Variants in CLIP4 observed in about 807,000 individuals in gnomAD.
CLIP4 encodes CAP-Gly domain containing linker protein family member 4.
Under a neutral mutation model 73.1 loss-of-function variants are expected in CLIP4, and 47 were observed. That is an observed-to-expected ratio of 0.64 (90% CI 0.51 to 0.82). The LOEUF is 0.82. Ranked by LOEUF, CLIP4 falls within the 40% of genes least tolerant of loss-of-function variation. The probability of loss-of-function intolerance (pLI) is 0.00; values close to 1 mark genes in which losing one functional copy is unlikely to be tolerated. For synonymous variants in CLIP4, 306 were observed against 295.4 expected (o/e 1.04, Z -0.37); for missense variants, 874 against 852.9 (o/e 1.02, Z -0.31).
At chr2:29,180,552 C>T (rs1433821356) in intron 15 of CLIP4, among the ~76,000 whole-genome samples, 2 of 152,052 alleles carry the variant, frequency 1.3e-5, no homozygotes, top group South Asian at 2.1e-4. Flanking sequence ...GGAGTTCATA[C>T]ATAGAACATA....
At chr2:29,098,787 G>A (rs1245477713) in intron 1 of CLIP4, among the ~76,000 whole-genome samples, 1 of 152,230 alleles carries the variant, frequency 6.6e-6, no homozygotes, top group Non-Finnish European at 1.5e-5. Flanking sequence ...GAACTGCCAA[G>A]TGATGTTCCA....
intron 12 of CLIP4, among the ~76,000 whole-genome samples, chr2:29,160,996 C>T (rs1472378316): frequency 4.6e-5 from 7 of 150,680 alleles, no homozygotes; most frequent in African/African-American, 1.5e-4. Context: ...TTTTTTGAGA[C>T]GGAGCTTCGC....
chr2:29,148,727 C>T (rs1666343056), intron 8 of CLIP4, among the ~76,000 whole-genome samples: 1 of 152,130 alleles, frequency 6.6e-6, no homozygotes, highest in Non-Finnish European at 1.5e-5. Context: ...TGAGTTTGTA[C>T]TATGAAGAGA....
At chr2:29,126,756 C>T (rs1664633003) in intron 2 of CLIP4, among the ~76,000 whole-genome samples, 1 of 152,156 alleles carries the variant, frequency 6.6e-6, no homozygotes, top group African/African-American at 2.4e-5. Context: ...CAGAAACAGG[C>T]ACAAAGGTTC....
chr2:29,099,217 G>A (rs1453030875), intron 1 of CLIP4, among the ~76,000 whole-genome samples: 1 of 152,120 alleles, frequency 6.6e-6, no homozygotes, highest in Non-Finnish European at 1.5e-5. Flanking sequence ...AGTTCAACTT[G>A]TCAGTTTTTT....
chr2:29,174,410 C>A lies in CLIP4; in HGVS notation c.1761C>A (p.Ser587=). Residue 587 remains serine, a synonymous_variant, in exon 15 of 16, where the codon TCC becomes TCA. Transcript: ENST00000320081. ...GTTTTAGCACAACTTCTGCTTCTTCCCAAAAGGAGATTAACAGAAGAAATG... is the reference window on the plus strand; with the variant it reads ...GTTTTAGCACAACTTCTGCTTCTTCACAAAAGGAGATTAACAGAAGAAATG... ...RRSFSTTSAS[S]QKEINRRNAF... 1.2e-6 allele frequency: 2 copies of A among 1,611,586 alleles called. No individual in the cohort carries two copies. Among genetic ancestry groups the A allele is most frequent in the South Asian group, 1.1e-5 (1 of 90,706 alleles).
intron 15 of CLIP4, among the ~76,000 whole-genome samples, chr2:29,177,593 A>G (rs1333476311): frequency 6.6e-6 from 1 of 151,770 alleles, no homozygotes; most frequent in Non-Finnish European, 1.5e-5. Context: ...AAAAAAAGTA[A>G]TATATATATT....
intron 9 of CLIP4, among the ~76,000 whole-genome samples, chr2:29,153,347 T>C (rs3100242): frequency 0.88 from 134,339 of 152,046 alleles, 59,498 homozygotes; most frequent in Non-Finnish European, 0.91. Flanking sequence ...TACATTTTCT[T>C]ACTCCTCCCT....
At chr2:29,125,664 C>T (rs936157545) in intron 2 of CLIP4, among the ~76,000 whole-genome samples, 4 of 152,218 alleles carry the variant, frequency 2.6e-5, no homozygotes, top group African/African-American at 9.7e-5. Context: ...AGGCAGTTAC[C>T]TGGGGCATGT....
intron 12 of CLIP4, among the ~76,000 whole-genome samples, chr2:29,161,595 A>T (rs1314786071): frequency 6.6e-6 from 1 of 152,222 alleles, no homozygotes; most frequent in Admixed American, 6.5e-5. Flanking sequence ...ACTCACAGTC[A>T]TAGCAGTAGC....
At chr2:29,106,336 T>C (rs908157259) in intron 1 of CLIP4, among the ~76,000 whole-genome samples, 2 of 152,210 alleles carry the variant, frequency 1.3e-5, no homozygotes, top group African/African-American at 4.8e-5. Context: ...GCTCAAAATA[T>C]GTCTTTCCCT....
At chr2:29,153,307 G>A (rs1558558111) in intron 9 of CLIP4, among the ~76,000 whole-genome samples, 1 of 152,066 alleles carries the variant, frequency 6.6e-6, no homozygotes, top group Non-Finnish European at 1.5e-5. Context: ...GAAGAGAACG[G>A]TTTATCGTAT....
intron 6 of CLIP4, among the ~76,000 whole-genome samples, chr2:29,143,134 G>T (rs1232395968): frequency 3.9e-5 from 6 of 152,236 alleles, no homozygotes; most frequent in Non-Finnish European, 7.3e-5. Context: ...TGGATCTGGG[G>T]CTGGGAAGCG....
intron 8 of CLIP4, among the ~76,000 whole-genome samples, chr2:29,151,643 C>T (rs998015804): frequency 6.6e-6 from 1 of 152,108 alleles, no homozygotes; most frequent in Non-Finnish European, 1.5e-5. Flanking sequence ...ACAAAGCACT[C>T]ACTTCTTACA....
chr2:29,111,487 G>A (rs549401196), upstream of CLIP4, among the ~76,000 whole-genome samples: 28 of 152,248 alleles, frequency 1.8e-4, no homozygotes, highest in South Asian at 5.0e-3. Flanking sequence ...GGTGGCTATG[G>A]GGTCACACTC....
intron 14 of CLIP4, among the ~76,000 whole-genome samples, chr2:29,170,365 A>G (rs76280790): frequency 0.017 from 2,614 of 152,286 alleles, 73 homozygotes; most frequent in African/African-American, 0.06. Context: ...ACTACTGCCT[A>G]TTCCCAACAG....
intron 13 of CLIP4, among the ~76,000 whole-genome samples, chr2:29,165,145 T>C (rs1667522977): frequency 6.6e-6 from 1 of 152,182 alleles, no homozygotes; most frequent in Non-Finnish European, 1.5e-5. Flanking sequence ...AGATAAGTGA[T>C]TTAGCTAAAG....
intron 2 of CLIP4, among the ~76,000 whole-genome samples, chr2:29,127,880 A>G (rs1264590664): frequency 6.6e-6 from 1 of 152,170 alleles, no homozygotes; most frequent in African/African-American, 2.4e-5. Flanking sequence ...TTTTAATGCA[A>G]TTGACAAGGA....
At chr2:29,167,649 T>G (rs1160803221) in intron 14 of CLIP4, 109 bp downstream of exon 14, 8 of 706,964 alleles carry the variant, frequency 1.1e-5, no homozygotes, top group Non-Finnish European at 1.8e-5. Flanking sequence ...ACTGTATTTG[T>G]ATAGTTTTTG....
Sources: allele counts gnomAD v4.1 joint callset (sites outside exome capture counted in the v4.1 genomes callset), GRCh38; gene constraint gnomAD v4.1.1; transcripts MANE v1.5; gene names NCBI Gene and HGNC (gene_info 2026-07-23, HGNC 2026-07-21).